The following CEMIP variants were observed in gnomAD, a reference collection of about 807,000 sequenced individuals.
CEMIP encodes cell migration inducing hyaluronidase 1, also known as cell migration-inducing and hyaluronan-binding protein.
CEMIP carries 105 observed loss-of-function variants against 156.9 expected under a neutral mutation model. That is an observed-to-expected ratio of 0.67 (90% CI 0.57 to 0.79). CEMIP has a LOEUF of 0.79. Among genes scored for constraint, CEMIP ranks in the 30% least tolerant of loss-of-function variants. The pLI, the probability that CEMIP is intolerant of heterozygous loss-of-function variation, is 0.00. For missense variants in CEMIP, 1,457 were observed against 1,769.4 expected (o/e 0.82, Z 3.17); for synonymous variants, 676 against 668.4 (o/e 1.01, Z -0.17).
intron 3 of CEMIP, among the ~76,000 whole-genome samples, chr15:80,874,822 A>G (rs1295626571): frequency 6.6e-6 from 1 of 152,176 alleles, no homozygotes; most frequent in Non-Finnish European, 1.5e-5. Context: ...TATCATCACC[A>G]TTGATTGCTC....
intron 1 of CEMIP, among the ~76,000 whole-genome samples, chr15:80,789,948 A>T (rs1429969551): frequency 6.6e-6 from 1 of 152,184 alleles, no homozygotes; most frequent in Non-Finnish European, 1.5e-5. Flanking sequence ...GTTTGAGGAC[A>T]TCACCCCTCT....
At chr15:80,855,943 T>C (rs1337801911) in intron 1 of CEMIP, among the ~76,000 whole-genome samples, 1 of 152,198 alleles carries the variant, frequency 6.6e-6, no homozygotes, top group African/African-American at 2.4e-5. Flanking sequence ...TTCTAGGAAA[T>C]TATCTACTGA....
At chr15:80,851,233 C>T (rs914592818) in intron 1 of CEMIP, among the ~76,000 whole-genome samples, 1 of 152,164 alleles carries the variant, frequency 6.6e-6, no homozygotes, top group African/African-American at 2.4e-5. Context: ...CACAGCAGGG[C>T]CAGGGAGCAA....
intron 1 of CEMIP, among the ~76,000 whole-genome samples, chr15:80,865,539 T>C (rs1256168482): frequency 2.6e-5 from 4 of 152,180 alleles, no homozygotes; most frequent in Non-Finnish European, 4.4e-5. Flanking sequence ...CATAGCCACA[T>C]GTGATTCATG....
Position 80,929,067 on chromosome 15 carries a change from C to T in CEMIP, c.2505C>T (p.Asn835=), listed in dbSNP as rs2141944571. ...YDDGSKQEIK[N]SLFVGESGNV... The stretch of plus-strand genomic sequence containing the variant: ...ACGGCTCCAAGCAAGAGATAAAGAA[C>T]AGCTTGTTTGTTGGCGAGAGTGGCA... The change falls in exon 21 of 30, where the codon AAC becomes AAT. Residue 835 remains asparagine (N), a synonymous_variant. Coordinates refer to ENST00000394685, the MANE Select transcript of CEMIP (RefSeq NM_001293298.2). 6.2e-7 allele frequency: 1 copy of T among 1,614,172 alleles called. No homozygotes were observed. The highest frequency in any genetic ancestry group is 8.5e-7 in the Non-Finnish European group (1 of 1,180,046).
At chr15:80,847,202 T>C (rs1897583295) in intron 1 of CEMIP, among the ~76,000 whole-genome samples, 1 of 152,094 alleles carries the variant, frequency 6.6e-6, no homozygotes, top group Non-Finnish European at 1.5e-5. Context: ...GCATGCACCA[T>C]CATGCCTGGC....
At chr15:80,821,101 A>G (rs1896897806) in intron 1 of CEMIP, among the ~76,000 whole-genome samples, 1 of 152,258 alleles carries the variant, frequency 6.6e-6, no homozygotes, top group Non-Finnish European at 1.5e-5. Flanking sequence ...CTCAGAATTT[A>G]GAGATGAGCT....
intron 12 of CEMIP, among the ~76,000 whole-genome samples, chr15:80,900,638 G>GTGTGTCTGTGTCTGTGTGTGTGTC (rs1899467162): frequency 2.9e-5 from 3 of 101,926 alleles, no homozygotes; most frequent in Non-Finnish European, 6.3e-5. Flanking sequence ...GTGTGTGTGT[G>GTGTGTCTGTGTCTGTGTGTGTGTC]TGTGTGTGTG....
intron 1 of CEMIP, among the ~76,000 whole-genome samples, chr15:80,790,000 T>C (rs1006421047): frequency 6.6e-6 from 1 of 152,148 alleles, no homozygotes; most frequent in African/African-American, 2.4e-5. Context: ...GAGTCACTAT[T>C]TGAATAGAGC....
chr15:80,864,406 G>T (rs1410735926), intron 1 of CEMIP, among the ~76,000 whole-genome samples: 1 of 152,154 alleles, frequency 6.6e-6, no homozygotes, highest in Non-Finnish European at 1.5e-5. Context: ...CGTGAAAAAG[G>T]CTACCCTAAA....
chr15:80,787,839 G>A (rs4778855), intron 1 of CEMIP, among the ~76,000 whole-genome samples: 87,652 of 152,102 alleles, frequency 0.58, 28,085 homozygotes, highest in East Asian at 0.78. Flanking sequence ...TCCAGAGGAG[G>A]CAGTGGTATC....
At chr15:80,792,800 G>T (rs553175011) in intron 1 of CEMIP, among the ~76,000 whole-genome samples, 1 of 152,232 alleles carries the variant, frequency 6.6e-6, no homozygotes, top group East Asian at 1.9e-4. Context: ...TAGAGATTGT[G>T]TCTCCTCGGT....
intron 1 of CEMIP, among the ~76,000 whole-genome samples, chr15:80,832,340 G>GTGTGTGTGTGTGTGTGTGTGTGTC (rs1897175074): frequency 6.6e-6 from 1 of 151,342 alleles, no homozygotes; most frequent in South Asian, 2.1e-4. Flanking sequence ...GTGTGTGTGT[G>GTGTGTGTGTGTGTGTGTGTGTGTC]TGTGTGTGTG....
chr15:80,896,872 G>C (rs527503871), intron 12 of CEMIP, among the ~76,000 whole-genome samples: 3 of 152,232 alleles, frequency 2.0e-5, no homozygotes, highest in Admixed American at 6.5e-5. Context: ...GAACAGGGTA[G>C]CTTCTGGGAT....
At chr15:80,810,293 A>T (rs1896627267) in intron 1 of CEMIP, among the ~76,000 whole-genome samples, 1 of 152,136 alleles carries the variant, frequency 6.6e-6, no homozygotes, top group South Asian at 2.1e-4. Flanking sequence ...TTTGAGTAAG[A>T]TTTGATTGAG....
At chr15:80,787,267 T>A (rs556942720) in intron 1 of CEMIP, among the ~76,000 whole-genome samples, 2 of 152,268 alleles carry the variant, frequency 1.3e-5, no homozygotes, top group Non-Finnish European at 2.9e-5. Context: ...TTATTGAAGA[T>A]GGTGAGAGTA....
chr15:80,839,087 G>C (rs1897328712), intron 1 of CEMIP, among the ~76,000 whole-genome samples: 1 of 152,206 alleles, frequency 6.6e-6, no homozygotes, highest in South Asian at 2.1e-4. Context: ...ACTCAGGCTG[G>C]GGTTGAGGTG....
rs189219492 is a variant in CEMIP, at chr15:80,842,157, G to A, written c.-175-31381G>A. On this transcript the variant is annotated intron_variant, in intron 1 of 29. Coordinates refer to ENST00000394685, the MANE Select transcript of CEMIP (RefSeq NM_001293298.2). ...GAAACACGTTGGGTACCATTTGTACGTGTATTATATATGTATTTCCTTTTC... is the reference window on the plus strand; with the variant it reads ...GAAACACGTTGGGTACCATTTGTACATGTATTATATATGTATTTCCTTTTC... The A allele has an allele frequency of 2.8e-3, 1,367 of 492,352 alleles. 15 individuals carry two copies. The highest frequency in any genetic ancestry group is 4.5e-3 in the South Asian group (289 of 64,456). The allele number at this position is 492,352 out of a possible 1,614,324, so 30.5% of individuals were successfully genotyped here. A position where few individuals can be genotyped will look rare whatever the true frequency, so the allele number is the denominator to read the frequency against.
intron 12 of CEMIP, among the ~76,000 whole-genome samples, chr15:80,905,835 G>A (rs533057382): frequency 9.9e-5 from 15 of 152,226 alleles, no homozygotes; most frequent in South Asian, 2.1e-4. Context: ...TGCACAAGTC[G>A]GGAGAGCATC....
Sources: allele counts gnomAD v4.1 joint callset (sites outside exome capture counted in the v4.1 genomes callset), GRCh38; gene constraint gnomAD v4.1.1; transcripts MANE v1.5; gene names NCBI Gene and HGNC (gene_info 2026-07-23, HGNC 2026-07-21).